DPP10: variants seen among roughly 807,000 people sequenced by gnomAD.
DPP10 encodes the protein inactive dipeptidyl peptidase 10.
A neutral mutation model predicts 120.9 loss-of-function variants in DPP10; 33 were observed. The observed-to-expected ratio is 0.27, with a 90% CI of 0.21 to 0.37. The LOEUF (loss-of-function observed/expected upper bound fraction) is 0.37, where lower values mean the gene tolerates loss of function less well. Ranked by LOEUF, DPP10 falls within the 10% of genes least tolerant of loss-of-function variation. DPP10 has a pLI of 1.00. For missense variants in DPP10, 816 were observed against 942.8 expected (o/e 0.87, Z 1.76); for synonymous variants, 337 against 326.1 (o/e 1.03, Z -0.36).
chr2:114,489,853 G>A (rs146808317), intron 1 of DPP10, among the ~76,000 whole-genome samples: 1 of 152,338 alleles, frequency 6.6e-6, no homozygotes, highest in East Asian at 1.9e-4. Flanking sequence ...GTAGCACTCA[G>A]CTGTGTCCTT....
chr2:115,042,008 C>CTTTTTTTTTTTT (rs5833573), intron 1 of DPP10, among the ~76,000 whole-genome samples: 2 of 80,334 alleles, frequency 2.5e-5, no homozygotes, highest in Non-Finnish European at 4.7e-5. Context: ...TCTATCTTAT[C>CTTTTTTTTTTTT]TTTTTTTTTT....
At chr2:115,099,130 C>CAAAAAAAA (rs55815168) in intron 1 of DPP10, among the ~76,000 whole-genome samples, 39 of 74,256 alleles carry the variant, frequency 5.3e-4, no homozygotes, top group East Asian at 1.3e-3. Flanking sequence ...GCTAAAAATA[C>CAAAAAAAA]AAAAAAAAAA....
chr2:114,943,802 G>T lies in DPP10; in HGVS notation c.61-365437G>T, dbSNP rs181704266. ...TTTAAAAATCAGCCATCACTCTAAAGAAAACCATCATTAAGATGTTAACAT... is the reference window on the plus strand; with the variant it reads ...TTTAAAAATCAGCCATCACTCTAAATAAAACCATCATTAAGATGTTAACAT... On this transcript the variant is annotated intron_variant, in intron 1 of 25. Transcript: ENST00000410059. Among the ~76,000 whole-genome samples, 26 of 152,272 alleles carry T rather than the reference G, an allele frequency of 1.7e-4. No individual in the cohort carries two copies. In the East Asian group the frequency reaches 4.6e-3, roughly 27 times the overall value.
chr2:115,012,314 T>A (rs1405270282), intron 1 of DPP10, among the ~76,000 whole-genome samples: 3 of 152,152 alleles, frequency 2.0e-5, no homozygotes, highest in Non-Finnish European at 2.9e-5. Flanking sequence ...GTTTGCATCC[T>A]GCGCACAGGA....
chr2:114,556,165 G>A (rs1220635204), intron 1 of DPP10, among the ~76,000 whole-genome samples: 1 of 148,356 alleles, frequency 6.7e-6, no homozygotes, highest in Non-Finnish European at 1.5e-5. Context: ...TGCTACAGAG[G>A]TCTAGAAGAG....
At chr2:115,077,736 A>G (rs58563230) in intron 1 of DPP10, among the ~76,000 whole-genome samples, 28,220 of 152,204 alleles carry the variant, frequency 0.19, 2,995 homozygotes, top group East Asian at 0.36. Flanking sequence ...TGTTGCCCTC[A>G]AGAACAGCCC....
At chr2:115,149,280 C>T (rs192578305) in intron 1 of DPP10, among the ~76,000 whole-genome samples, 1 of 152,306 alleles carries the variant, frequency 6.6e-6, no homozygotes, top group East Asian at 1.9e-4. Flanking sequence ...TGGTGATACT[C>T]TAATTCTATC....
intron 5 of DPP10, among the ~76,000 whole-genome samples, chr2:115,557,833 G>T (rs1264895399): frequency 6.6e-6 from 1 of 152,170 alleles, no homozygotes; most frequent in Non-Finnish European, 1.5e-5. Flanking sequence ...TTTTTCAGGT[G>T]CTGAGAGGAC....
intron 1 of DPP10, among the ~76,000 whole-genome samples, chr2:115,097,218 G>T (rs947716349): frequency 1.3e-5 from 2 of 152,094 alleles, no homozygotes; most frequent in Non-Finnish European, 2.9e-5. Context: ...CAGGCCAACA[G>T]AATGCCCCCC....
chr2:115,741,067 G>T (rs913677787), intron 9 of DPP10, among the ~76,000 whole-genome samples: 5 of 152,008 alleles, frequency 3.3e-5, no homozygotes, highest in African/African-American at 1.2e-4. Flanking sequence ...TCAGGGTGGG[G>T]GTGAGGTCAT....
chr2:115,600,768 A>G (rs1472879572), intron 5 of DPP10, among the ~76,000 whole-genome samples: 1 of 152,250 alleles, frequency 6.6e-6, no homozygotes, highest in Admixed American at 6.5e-5. Flanking sequence ...GCAAAATAAA[A>G]TAATCACGAG....
intron 1 of DPP10, among the ~76,000 whole-genome samples, chr2:115,171,250 A>T (rs1168516391): frequency 1.3e-5 from 2 of 150,598 alleles, no homozygotes; most frequent in African/African-American, 4.9e-5. Flanking sequence ...AATCCTAGCG[A>T]CTCAGGAGGC....
At chr2:115,294,771 T>G (rs1459846706) in intron 1 of DPP10, among the ~76,000 whole-genome samples, 1 of 152,086 alleles carries the variant, frequency 6.6e-6, no homozygotes, top group Non-Finnish European at 1.5e-5. Flanking sequence ...TTTATGATGC[T>G]AATAAGTATC....
chr2:115,469,413 A>AT (rs1558708710), intron 3 of DPP10, among the ~76,000 whole-genome samples: 1 of 152,120 alleles, frequency 6.6e-6, no homozygotes, highest in African/African-American at 2.4e-5. Flanking sequence ...ACTGGTTGTC[A>AT]TTTTCTACTT....
At chr2:115,322,798 G>A (rs953134491) in intron 2 of DPP10, among the ~76,000 whole-genome samples, 2 of 152,030 alleles carry the variant, frequency 1.3e-5, no homozygotes, top group Non-Finnish European at 2.9e-5. Context: ...TATGTTTATC[G>A]TATTTGTAGT....
intron 1 of DPP10, among the ~76,000 whole-genome samples, chr2:114,510,299 G>C (rs1684021376): frequency 6.6e-6 from 1 of 152,116 alleles, no homozygotes; most frequent in Non-Finnish European, 1.5e-5. Context: ...CACCTCACAG[G>C]CTAGTTGTAT....
intron 13 of DPP10, among the ~76,000 whole-genome samples, chr2:115,769,573 T>A (rs542486560): frequency 6.6e-6 from 1 of 152,158 alleles, no homozygotes; most frequent in South Asian, 2.1e-4. Flanking sequence ...TTGATTTTCA[T>A]AGTATATTAT....
intron 5 of DPP10, among the ~76,000 whole-genome samples, chr2:115,614,085 C>A (rs1390219049): frequency 6.6e-6 from 1 of 152,160 alleles, no homozygotes; most frequent in East Asian, 1.9e-4. Context: ...AGCTGGAATT[C>A]AGGGCATGCA....
chr2:115,441,053 A>G (rs1169501683), intron 3 of DPP10: 1 of 152,204 alleles, frequency 6.6e-6, no homozygotes, highest in Non-Finnish European at 1.5e-5. Context: ...TTACATGAGA[A>G]GCAAGGCTAG....
Sources: gnomAD v4.1 joint callset for allele counts (sites outside exome capture counted in the v4.1 genomes callset) on GRCh38, gnomAD v4.1.1 for gene constraint, MANE v1.5 for transcripts, NCBI Gene and HGNC (gene_info 2026-07-23, HGNC 2026-07-21) for gene names.